Variants in TRPS1 observed in about 807,000 individuals in gnomAD.
The protein encoded by TRPS1 is zinc finger transcription factor Trps1.
In TRPS1, 6 loss-of-function variants were observed where a neutral mutation model predicts 101.2. The ratio of observed to expected loss-of-function variants is 0.06; its 90% CI spans 0.03 to 0.12. TRPS1 has a LOEUF of 0.12. Ranked by LOEUF, TRPS1 falls within the 10% of genes least tolerant of loss-of-function variation. The probability of loss-of-function intolerance (pLI) is 1.00; values close to 1 mark genes in which losing one functional copy is unlikely to be tolerated. For missense variants in TRPS1, 1,363 were observed against 1,567.0 expected (o/e 0.87, Z 2.20); for synonymous variants, 578 against 589.8 (o/e 0.98, Z 0.29).
intron 5 of TRPS1, among the ~76,000 whole-genome samples, chr8:115,514,721 C>T (rs1284167946): frequency 6.6e-6 from 1 of 151,536 alleles, no homozygotes; most frequent in Non-Finnish European, 1.5e-5. Context: ...TGAACTATTA[C>T]ATGACGCAAT....
At chr8:115,562,185 C>T (rs984612310) in intron 5 of TRPS1, among the ~76,000 whole-genome samples, 1 of 151,688 alleles carries the variant, frequency 6.6e-6, no homozygotes, top group Non-Finnish European at 1.5e-5. Context: ...AAAAATAGAC[C>T]AATGATATTA....
At chr8:115,425,797 TTAAC>T (rs962778455) in intron 5 of TRPS1, among the ~76,000 whole-genome samples, 11 of 152,328 alleles carry the variant, frequency 7.2e-5, no homozygotes, top group African/African-American at 2.2e-4. Context: ...TCTCCCTTCT[TTAAC>T]TAACCCCATA....
chr8:115,538,460 TG>T (rs1227754326), intron 5 of TRPS1, among the ~76,000 whole-genome samples: 1 of 152,194 alleles, frequency 6.6e-6, no homozygotes, highest in East Asian at 1.9e-4. Flanking sequence ...TAGCACCATT[TG>T]GTGCTTCTCA....
intron 1 of TRPS1, among the ~76,000 whole-genome samples, chr8:115,653,790 G>A (rs1043192150): frequency 1.3e-5 from 2 of 152,166 alleles, no homozygotes; most frequent in African/African-American, 2.4e-5. Flanking sequence ...TGAACTGAAC[G>A]GGGTTCAAAT....
chr8:115,662,451 C>G (rs549289132), intron 1 of TRPS1, among the ~76,000 whole-genome samples: 17 of 152,118 alleles, frequency 1.1e-4, no homozygotes, highest in African/African-American at 3.6e-4. Flanking sequence ...CGAAACAGTA[C>G]TTAGTTCTGA....
intron 5 of TRPS1, among the ~76,000 whole-genome samples, chr8:115,432,933 A>C (rs1488972207): frequency 6.6e-6 from 1 of 151,850 alleles, no homozygotes; most frequent in Non-Finnish European, 1.5e-5. Context: ...TGAATTTACT[A>C]ACGCATGTGT....
At chr8:115,446,878 T>C (rs1243205945) in intron 5 of TRPS1, among the ~76,000 whole-genome samples, 5 of 152,184 alleles carry the variant, frequency 3.3e-5, no homozygotes. Context: ...CAGTTTTCAG[T>C]GCTTAGCCTT....
chr8:115,613,308 G>A (rs1053997322), intron 3 of TRPS1, among the ~76,000 whole-genome samples: 3 of 152,098 alleles, frequency 2.0e-5, no homozygotes, highest in Non-Finnish European at 4.4e-5. Context: ...TACTGATTTC[G>A]AATAGAAGCT....
At chr8:115,569,836 T>C (rs1419352761) in intron 5 of TRPS1, among the ~76,000 whole-genome samples, 1 of 152,082 alleles carries the variant, frequency 6.6e-6, no homozygotes, top group Non-Finnish European at 1.5e-5. Context: ...CTGTGTTCTA[T>C]ATAAACTAAT....
chr8:115,529,102 G>T (rs1816069264), intron 5 of TRPS1, among the ~76,000 whole-genome samples: 2 of 152,138 alleles, frequency 1.3e-5, no homozygotes, highest in East Asian at 3.9e-4. Context: ...GTGACACAGG[G>T]AATATAAAAA....
At chr8:115,461,944 G>A (rs947276589) in intron 5 of TRPS1, among the ~76,000 whole-genome samples, 3 of 151,872 alleles carry the variant, frequency 2.0e-5, no homozygotes, top group African/African-American at 7.3e-5. Flanking sequence ...AACAACACAA[G>A]TACAAACAAA....
chr8:115,598,893 T>C (rs1307720230), intron 4 of TRPS1, among the ~76,000 whole-genome samples: 1 of 152,228 alleles, frequency 6.6e-6, no homozygotes, highest in Non-Finnish European at 1.5e-5. Flanking sequence ...TTTAAGGATG[T>C]CTCTGCCTTG....
chr8:115,562,404 T>C (rs1185584159), intron 5 of TRPS1, among the ~76,000 whole-genome samples: 1 of 151,998 alleles, frequency 6.6e-6, no homozygotes, highest in Non-Finnish European at 1.5e-5. Context: ...TTTTTAAGTT[T>C]TAGTACTTAA....
intron 5 of TRPS1, among the ~76,000 whole-genome samples, chr8:115,483,526 T>C (rs954487389): frequency 2.2e-5 from 2 of 92,168 alleles, no homozygotes; most frequent in South Asian, 1.0e-3. Context: ...GAGTGAGACC[T>C]TGTCTCAAAA....
chr8:115,629,099 T>C (rs779705394), intron 1 of TRPS1, among the ~76,000 whole-genome samples: 25 of 151,488 alleles, frequency 1.7e-4, no homozygotes, highest in Non-Finnish European at 4.4e-5. Flanking sequence ...AAAGTAATGC[T>C]CAAGGAAGAA....
At chr8:115,560,617 C>A in intron 5 of TRPS1, among the ~76,000 whole-genome samples, 1 of 152,062 alleles carries the variant, frequency 6.6e-6, no homozygotes, top group South Asian at 2.1e-4. Flanking sequence ...GTGTAAACTG[C>A]CCCTGCTCCT....
At chr8:115,628,756 G>A (rs1378276646) in intron 1 of TRPS1, among the ~76,000 whole-genome samples, 1 of 151,780 alleles carries the variant, frequency 6.6e-6, no homozygotes, top group East Asian at 1.9e-4. Context: ...CTCTGCCTGG[G>A]ATTTTAATAC....
chr8:115,467,655 T>C (rs941629023), intron 5 of TRPS1, among the ~76,000 whole-genome samples: 8 of 152,050 alleles, frequency 5.3e-5, no homozygotes, highest in African/African-American at 1.7e-4. Context: ...GGGAATAACA[T>C]GGAATGTGAT....
intron 1 of TRPS1, among the ~76,000 whole-genome samples, chr8:115,642,633 T>C (rs1818926909): frequency 6.6e-6 from 1 of 151,906 alleles, no homozygotes. Flanking sequence ...GTACTCTCAA[T>C]TAGGGACACC....
Sources: gnomAD v4.1 joint callset for allele counts (sites outside exome capture counted in the v4.1 genomes callset) on GRCh38, gnomAD v4.1.1 for gene constraint, MANE v1.5 for transcripts, NCBI Gene and HGNC (gene_info 2026-07-23, HGNC 2026-07-21) for gene names.